SRD5A2: variants seen among roughly 807,000 people sequenced by gnomAD.
The protein encoded by SRD5A2 is 3-oxo-5-alpha-steroid 4-dehydrogenase 2.
Under a neutral mutation model 27.4 loss-of-function variants are expected in SRD5A2, and 30 were observed. That is an observed-to-expected ratio of 1.10 (90% CI 0.82 to 1.49). The LOEUF is 1.49. Ranked by LOEUF, SRD5A2 falls within the 40% of genes most tolerant of loss-of-function variation. The pLI, the probability that SRD5A2 is intolerant of heterozygous loss-of-function variation, is 0.00. For missense variants in SRD5A2, 348 were observed against 323.4 expected (o/e 1.08, Z -0.58); for synonymous variants, 141 against 133.6 (o/e 1.06, Z -0.38).
intron 1 of SRD5A2, among the ~76,000 whole-genome samples, chr2:31,566,057 A>G (rs1055924534): frequency 4.6e-5 from 7 of 152,114 alleles, no homozygotes; most frequent in African/African-American, 1.7e-4. Context: ...AATACAGAAC[A>G]TGTCTGGAAA....
chr2:31,589,823 C>G, the SRD5A2 span, among the ~76,000 whole-genome samples: 1 of 152,016 alleles, frequency 6.6e-6, no homozygotes, highest in Admixed American at 6.5e-5. Context: ...GAAGGGAGGC[C>G]TGAGAGCCCT....
At chr2:31,657,579 C>T in the SRD5A2 span, among the ~76,000 whole-genome samples, 2 of 151,976 alleles carry the variant, frequency 1.3e-5, no homozygotes, top group African/African-American at 4.8e-5. Context: ...GAACTAGACC[C>T]TAGTATTTAA....
At chr2:31,652,934 C>T in the SRD5A2 span, among the ~76,000 whole-genome samples, 2 of 152,136 alleles carry the variant, frequency 1.3e-5, no homozygotes, top group African/African-American at 4.8e-5. Flanking sequence ...AGACTCTGCA[C>T]TATTGTGAGA....
chr2:31,612,997 ACC>A, the SRD5A2 span, among the ~76,000 whole-genome samples: 1 of 152,206 alleles, frequency 6.6e-6, no homozygotes, highest in Admixed American at 6.5e-5. Flanking sequence ...CTTATTTCAT[ACC>A]ATATACAAAA....
the SRD5A2 span, among the ~76,000 whole-genome samples, chr2:31,657,109 A>G: frequency 6.6e-6 from 1 of 152,248 alleles, no homozygotes; most frequent in East Asian, 1.9e-4. Flanking sequence ...ATCCTGAAAC[A>G]CAACACAGAC....
intron 1 of SRD5A2, among the ~76,000 whole-genome samples, chr2:31,545,442 T>A (rs538204323): frequency 6.6e-6 from 1 of 152,244 alleles, no homozygotes; most frequent in African/African-American, 2.4e-5. Flanking sequence ...TCAATCAGTG[T>A]AATCCATAGC....
At chr2:31,542,848 C>T (rs139384571) in intron 1 of SRD5A2, among the ~76,000 whole-genome samples, 14 of 151,886 alleles carry the variant, frequency 9.2e-5, no homozygotes, top group East Asian at 5.8e-4. Flanking sequence ...TCCCAGACAA[C>T]GCAGAGAGAA....
intron 1 of SRD5A2, among the ~76,000 whole-genome samples, chr2:31,580,286 T>A (rs925522467): frequency 2.0e-5 from 3 of 152,222 alleles, no homozygotes; most frequent in East Asian, 3.8e-4. Context: ...AACAGTCCTG[T>A]CCAATAGGTC....
At chr2:31,544,882 T>C (rs1666212471) in intron 1 of SRD5A2, among the ~76,000 whole-genome samples, 1 of 151,896 alleles carries the variant, frequency 6.6e-6, no homozygotes, top group African/African-American at 2.4e-5. Flanking sequence ...CTACTTATTC[T>C]ATGGGAATAA....
intron 1 of SRD5A2, among the ~76,000 whole-genome samples, chr2:31,557,091 G>A (rs962093235): frequency 6.6e-6 from 1 of 152,188 alleles, no homozygotes; most frequent in Admixed American, 6.5e-5. Context: ...AAGTCCAGGT[G>A]GCACTGATTC....
chr2:31,654,706 C>T, the SRD5A2 span, among the ~76,000 whole-genome samples: 1 of 152,272 alleles, frequency 6.6e-6, no homozygotes, highest in South Asian at 2.1e-4. Context: ...TACTGAAGCA[C>T]CACCTGTTCT....
the SRD5A2 span, among the ~76,000 whole-genome samples, chr2:31,659,691 A>G: frequency 1.3e-5 from 2 of 152,166 alleles, no homozygotes; most frequent in African/African-American, 4.8e-5. Context: ...GATTACACAA[A>G]CAAATGGAAA....
chr2:31,599,870 A>C, the SRD5A2 span, among the ~76,000 whole-genome samples: 4 of 151,942 alleles, frequency 2.6e-5, no homozygotes, highest in African/African-American at 4.8e-5. Flanking sequence ...GTACATGAGC[A>C]GGTTTGTTAC....
the SRD5A2 span, among the ~76,000 whole-genome samples, chr2:31,649,173 A>T: frequency 6.6e-6 from 1 of 152,208 alleles, no homozygotes; most frequent in Non-Finnish European, 1.5e-5. Flanking sequence ...CCCACATTTT[A>T]AACAGCCGCT....
intron 1 of SRD5A2, among the ~76,000 whole-genome samples, chr2:31,536,856 C>A (rs1666037800): frequency 6.6e-6 from 1 of 152,138 alleles, no homozygotes; most frequent in Non-Finnish European, 1.5e-5. Context: ...TGGTTTGGGA[C>A]CACATCACTT....
the SRD5A2 span, among the ~76,000 whole-genome samples, chr2:31,619,191 A>G: frequency 4.9e-3 from 747 of 152,256 alleles, 8 homozygotes; most frequent in African/African-American, 0.017. Context: ...CAGGGAAATT[A>G]GAACTCTCAT....
chr2:31,529,409 A>T lies in SRD5A2; in HGVS notation c.596T>A (p.Ile199Asn), dbSNP rs780523225. 11 of 1,613,828 alleles carry T rather than the reference A, an allele frequency of 6.8e-6. No individual in the cohort carries two copies. The highest frequency in any genetic ancestry group is 8.5e-6 in the Non-Finnish European group (10 of 1,179,840). The change falls in exon 4 of 5, where the codon ATT (isoleucine) becomes AAT (asparagine). Residue 199 changes from isoleucine (I) to asparagine (N), a missense_variant. Physicochemically the swap from Ile to Asn is moderately radical, Grantham distance 149 (BLOSUM62 -3). Coordinates refer to ENST00000622030, the MANE Select transcript of SRD5A2 (RefSeq NM_000348.4). ...GGCCAGGGCATAGCCGATCCATTCA[A>T]TGATCTCACCGAGGAAATTGGCTCC... ...VSGANFLGEI[I>N]EWIGYALATW...
intron 1 of SRD5A2, among the ~76,000 whole-genome samples, chr2:31,578,857 A>G (rs959512808): frequency 6.6e-6 from 1 of 152,222 alleles, no homozygotes; most frequent in African/African-American, 2.4e-5. Flanking sequence ...AAGCCTAAAG[A>G]TTACATTAAT....
chr2:31,535,561 A>G (rs1169139075), intron 1 of SRD5A2, among the ~76,000 whole-genome samples: 1 of 152,198 alleles, frequency 6.6e-6, no homozygotes, highest in African/African-American at 2.4e-5. Context: ...TGAAGGGGAA[A>G]GAAAGGTTAG....
Sources: allele counts gnomAD v4.1 joint callset (sites outside exome capture counted in the v4.1 genomes callset), GRCh38; gene constraint gnomAD v4.1.1; transcripts MANE v1.5; gene names NCBI Gene and HGNC (gene_info 2026-07-23, HGNC 2026-07-21).